The following BICC1 variants were observed in gnomAD, a reference collection of about 807,000 sequenced individuals.
BICC1 encodes protein bicaudal C homolog 1.
BICC1 carries 43 observed loss-of-function variants against 111.0 expected under a neutral mutation model. That is an observed-to-expected ratio of 0.39 (90% confidence interval 0.30 to 0.50). The LOEUF is 0.50. Ranked by LOEUF, BICC1 falls within the 20% of genes least tolerant of loss-of-function variation. BICC1 has a pLI of 0.88. For missense variants in BICC1, 1,091 were observed against 1,203.2 expected (o/e 0.91, Z 1.38); for synonymous variants, 467 against 434.4 (o/e 1.07, Z -0.93).
chr10:58,765,328 A>G (rs1055887037), intron 3 of BICC1, among the ~76,000 whole-genome samples: 6 of 151,908 alleles, frequency 3.9e-5, no homozygotes, highest in Admixed American at 1.3e-4. Flanking sequence ...AAGTGCTGGC[A>G]TTACAGGTGT....
chr10:58,585,621 C>T (rs1250644717), intron 1 of BICC1, among the ~76,000 whole-genome samples: 1 of 152,058 alleles, frequency 6.6e-6, no homozygotes, highest in African/African-American at 2.4e-5. Context: ...GTGCATTCTC[C>T]CTCCTCCCCC....
intron 1 of BICC1, among the ~76,000 whole-genome samples, chr10:58,610,988 A>C (rs1048147670): frequency 6.6e-6 from 1 of 152,224 alleles, no homozygotes; most frequent in East Asian, 1.9e-4. Flanking sequence ...CCTAAGATCT[A>C]TACCTGGCAT....
chr10:58,547,882 T>C (rs1310173177), intron 1 of BICC1, among the ~76,000 whole-genome samples: 1 of 152,108 alleles, frequency 6.6e-6, no homozygotes. Context: ...ATGCACATCT[T>C]GTATATTCCC....
At chr10:58,790,486 A>G (rs1843143924) in intron 8 of BICC1, among the ~76,000 whole-genome samples, 1 of 152,226 alleles carries the variant, frequency 6.6e-6, no homozygotes. Flanking sequence ...ATACTACTTT[A>G]CTACTTCTAA....
intron 2 of BICC1, among the ~76,000 whole-genome samples, chr10:58,699,340 G>A (rs1480338213): frequency 6.6e-6 from 1 of 152,224 alleles, no homozygotes; most frequent in African/African-American, 2.4e-5. Context: ...CTTAGAGGGA[G>A]TGTGTATAAA....
At chr10:58,722,445 A>C (rs1164364968) in intron 3 of BICC1, among the ~76,000 whole-genome samples, 25 of 152,222 alleles carry the variant, frequency 1.6e-4, no homozygotes, top group Admixed American at 1.6e-3. Flanking sequence ...TTTAGTATTT[A>C]ATAAATTTTG....
chr10:58,515,987 G>A (rs940150739), intron 1 of BICC1, among the ~76,000 whole-genome samples: 14 of 152,170 alleles, frequency 9.2e-5, no homozygotes, highest in Non-Finnish European at 2.1e-4. Context: ...CATAATTGCA[G>A]AAGTAAAATA....
intron 1 of BICC1, among the ~76,000 whole-genome samples, chr10:58,608,102 T>C (rs1845289617): frequency 6.6e-6 from 1 of 152,228 alleles, no homozygotes; most frequent in Non-Finnish European, 1.5e-5. Flanking sequence ...ATTATACTCC[T>C]AGTATTATAC....
At chr10:58,543,217 C>T (rs1316882768) in intron 1 of BICC1, among the ~76,000 whole-genome samples, 1 of 152,030 alleles carries the variant, frequency 6.6e-6, no homozygotes, top group African/African-American at 2.4e-5. Flanking sequence ...TATGCTACAA[C>T]ATAGATAAAC....
chr10:58,611,324 T>G (rs1168140052), intron 1 of BICC1, among the ~76,000 whole-genome samples: 1 of 152,178 alleles, frequency 6.6e-6, no homozygotes, highest in Non-Finnish European at 1.5e-5. Context: ...GTTATTAATA[T>G]TTTGGTATTT....
Position 58,519,437 on chromosome 10 carries a change from C to T in BICC1, c.190+6104C>T, listed in dbSNP as rs138938556. Among the ~76,000 whole-genome samples, 10 of 152,192 alleles carry T rather than the reference C, an allele frequency of 6.6e-5. No homozygotes were observed. In the East Asian group the frequency reaches 1.9e-3, roughly 30 times the overall value. Reference sequence around the variant, plus strand: ...GTCAGAATGGATGCTGAATGTTTTACCCCATATTTTCCTCACAGTGGGCAA... The same window carrying T: ...GTCAGAATGGATGCTGAATGTTTTATCCCATATTTTCCTCACAGTGGGCAA... On this transcript the variant is annotated intron_variant, in intron 1 of 20. Transcript: ENST00000373886.
intron 3 of BICC1, among the ~76,000 whole-genome samples, chr10:58,757,677 A>G (rs944743585): frequency 5.9e-5 from 9 of 152,174 alleles, no homozygotes; most frequent in African/African-American, 2.2e-4. Context: ...AGGACCCCCC[A>G]TCCAGGTCAG....
chr10:58,549,094 T>G (rs1305991385), intron 1 of BICC1, among the ~76,000 whole-genome samples: 1 of 151,806 alleles, frequency 6.6e-6, no homozygotes, highest in East Asian at 1.9e-4. Flanking sequence ...AATCTGCCCA[T>G]CTTGGCCTCC....
chr10:58,638,531 T>G (rs1433140987), intron 2 of BICC1, among the ~76,000 whole-genome samples: 5 of 152,176 alleles, frequency 3.3e-5, no homozygotes, highest in Non-Finnish European at 5.9e-5. Flanking sequence ...TCTCAGTGCT[T>G]CTGAAATGTA....
chr10:58,668,773 T>C (rs1489638416), intron 2 of BICC1, among the ~76,000 whole-genome samples: 1 of 152,026 alleles, frequency 6.6e-6, no homozygotes, highest in African/African-American at 2.4e-5. Context: ...GTTCAGTATT[T>C]TTCCTGATCA....
intron 2 of BICC1, among the ~76,000 whole-genome samples, chr10:58,679,464 C>T (rs1463685749): frequency 6.6e-6 from 1 of 152,144 alleles, no homozygotes; most frequent in South Asian, 2.1e-4. Context: ...TGGACACATA[C>T]ACCCTCCAAA....
rs1844000555 is a variant in BICC1, at chr10:58,813,971, A to G, written c.2518A>G (p.Lys840Glu). 2 of 1,613,942 alleles carry G rather than the reference A, an allele frequency of 1.2e-6. No homozygotes were observed. Among genetic ancestry groups the G allele is most frequent in the Admixed American group, 1.7e-5 (1 of 59,998 alleles). Reference sequence around the variant, plus strand: ...AGCTTCTATTGGCAGCCCTAAGCGTAAACAAAACAAATCAAGTGAGCGTTG... The same window carrying G: ...AGCTTCTATTGGCAGCCCTAAGCGTGAACAAAACAAATCAAGTGAGCGTTG... Reference protein sequence around the residue: ...FAASIGSPKRKQNKSTEHYLS... With the variant: ...FAASIGSPKREQNKSTEHYLS... Residue 840 changes from lysine to glutamate, a missense_variant, in exon 18 of 21, where the codon AAA (lysine) becomes GAA (glutamate). This residue lies in a region of BICC1 where 231 missense variants were observed against 256.2 expected (regional missense o/e 0.90). Coordinates refer to ENST00000373886, the MANE Select transcript of BICC1 (RefSeq NM_001080512.3).
rs1000345390 is a variant in BICC1 at position 58,542,158 on chromosome 10, A to C, written c.190+28825A>C. ...AGAGCAAGACCCTGTCTCAAAAAAAAAAAAAAAACAAAAAAAAAAACCCAG... is the reference window on the plus strand; with the variant it reads ...AGAGCAAGACCCTGTCTCAAAAAAACAAAAAAAACAAAAAAAAAAACCCAG... On this transcript the variant is annotated intron_variant, in intron 1 of 20. Coordinates refer to ENST00000373886, the MANE Select transcript of BICC1 (RefSeq NM_001080512.3). Among the ~76,000 whole-genome samples the C allele has an allele frequency of 9.5e-5, 14 of 146,690 alleles. 1 individual carries two copies. Among genetic ancestry groups the C allele is most frequent in the African/African-American group, 2.9e-4 (11 of 37,544 alleles).
chr10:58,538,518 A>G lies in BICC1; in HGVS notation c.190+25185A>G, dbSNP rs1022888528. Among the ~76,000 whole-genome samples, 3 of 151,834 alleles carry G rather than the reference A, an allele frequency of 2.0e-5. No homozygotes were observed. In the East Asian group the frequency reaches 5.8e-4, roughly 29 times the overall value. ...TAAGACCTGAAACCATGAAAATTCT[A>G]GAAGAAAAACTTTTCTGGACATTGG... On this transcript the variant is annotated intron_variant, in intron 1 of 20. Transcript: ENST00000373886.
Sources: gnomAD v4.1 joint callset for allele counts (sites outside exome capture counted in the v4.1 genomes callset) on GRCh38, gnomAD v4.1.1 for gene constraint, gnomAD v4.1.1 regional missense constraint, MANE v1.5 for transcripts, NCBI Gene and HGNC (gene_info 2026-07-23, HGNC 2026-07-21) for gene names.